Variants in CEP20 observed in about 807,000 individuals in gnomAD.
CEP20 encodes the protein FGFR1OP N-terminal like.
In CEP20, 18 loss-of-function variants were observed where a neutral mutation model predicts 20.0. The observed-to-expected ratio is 0.90, with a 90% CI of 0.62 to 1.34. The LOEUF is 1.34. Among genes scored for constraint, CEP20 ranks in the 40% most tolerant of loss-of-function variants. CEP20 has a pLI of 0.00. For missense variants in CEP20, 215 were observed against 201.6 expected (o/e 1.07, Z -0.40); for synonymous variants, 77 against 73.7 (o/e 1.04, Z -0.23).
intron 1 of CEP20, among the ~76,000 whole-genome samples, chr16:15,886,905 G>GT (rs5815849): frequency 0.098 from 14,139 of 144,050 alleles, 826 homozygotes; most frequent in East Asian, 0.22. Flanking sequence ...TTTTTAATTT[G>GT]TTTTTTTTTT....
At chr16:15,874,958 A>G (rs1190931279) in intron 3 of CEP20, among the ~76,000 whole-genome samples, 2 of 152,170 alleles carry the variant, frequency 1.3e-5, no homozygotes, top group Non-Finnish European at 2.9e-5. Flanking sequence ...CCGCCTGTCA[A>G]TATCATTATG....
At chr16:15,880,013 C>G (rs1467948660) in intron 2 of CEP20, 125 bp from the exon 3 acceptor site, 3 of 629,286 alleles carry the variant, frequency 4.8e-6, no homozygotes, top group African/African-American at 2.0e-5. Context: ...ACAACACACA[C>G]CAAGACAGAT....
At chr16:15,874,856 C>T (rs1419471348) in intron 3 of CEP20, among the ~76,000 whole-genome samples, 1 of 152,134 alleles carries the variant, frequency 6.6e-6, no homozygotes, top group Non-Finnish European at 1.5e-5. Flanking sequence ...TTCCTCCTTG[C>T]TTTCTCTCTT....
At chr16:15,885,310 A>ACAACCAAC (rs200651762) in intron 1 of CEP20, among the ~76,000 whole-genome samples, 2 of 150,992 alleles carry the variant, frequency 1.3e-5, no homozygotes, top group African/African-American at 4.9e-5. Flanking sequence ...TCTGTTTAAA[A>ACAACCAAC]CAACCAACCA....
At chr16:15,867,642 G>A in intron 4 of CEP20, 126 bp from the exon 5 acceptor site, 1 of 590,968 alleles carries the variant, frequency 1.7e-6, no homozygotes, top group East Asian at 3.0e-5. Flanking sequence ...GATGGTTTAG[G>A]ACAATGAAAA....
intron 4 of CEP20, among the ~76,000 whole-genome samples, chr16:15,870,731 A>T (rs1481691204): frequency 6.6e-6 from 1 of 152,006 alleles, no homozygotes; most frequent in Non-Finnish European, 1.5e-5. Context: ...GGAAAGACTG[A>T]TCCCAGGAGT....
At chr16:15,870,987 A>T (rs903378601) in intron 4 of CEP20, among the ~76,000 whole-genome samples, 18 of 152,140 alleles carry the variant, frequency 1.2e-4, no homozygotes, top group Non-Finnish European at 2.5e-4. Flanking sequence ...GCATGGCCAG[A>T]TGCAGTGGCT....
Position 15,876,953 on chromosome 16 carries a change from G to A in CEP20, c.311+2851C>T, listed in dbSNP as rs780760909. Among the ~76,000 whole-genome samples the A allele has an allele frequency of 2.0e-5, 3 of 149,994 alleles. No individual in the cohort carries two copies. The East Asian group carries it at 5.9e-4, about 30-fold the overall frequency. ...TGCAAGCTCCACCTCCCCGTTTGAC[G>A]CCCATTTTCCTGCCTCGGCCTCCCA... On this transcript the variant is annotated intron_variant, in intron 3 of 4. Coordinates refer to ENST00000255759, the MANE Select transcript of CEP20 (RefSeq NM_144600.4).
chr16:15,882,611 T>G, intron 2 of CEP20, among the ~76,000 whole-genome samples: 1 of 152,254 alleles, frequency 6.6e-6, no homozygotes, highest in Middle Eastern at 3.4e-3. Flanking sequence ...TTTATAGCAA[T>G]CCAAAAACAA....
chr16:15,878,259 A>G (rs1200726520), intron 3 of CEP20, among the ~76,000 whole-genome samples: 1 of 152,158 alleles, frequency 6.6e-6, no homozygotes, highest in Admixed American at 6.5e-5. Context: ...AAAGCAGCAT[A>G]AAGTTGCAAA....
At chr16:15,871,025 G>A (rs2044803501) in intron 4 of CEP20, among the ~76,000 whole-genome samples, 2 of 152,150 alleles carry the variant, frequency 1.3e-5, no homozygotes, top group East Asian at 3.8e-4. Flanking sequence ...CACTTTGGGA[G>A]GCCAAGGGGG....
intron 3 of CEP20, among the ~76,000 whole-genome samples, chr16:15,876,783 CCTAA>C (rs1309188427): frequency 2.6e-5 from 4 of 151,690 alleles, no homozygotes; most frequent in African/African-American, 7.3e-5. Flanking sequence ...AAAGAAGTTA[CCTAA>C]CTTTTAAAAA....
chr16:15,873,192 C>T (rs1354500734), intron 4 of CEP20, among the ~76,000 whole-genome samples: 1 of 152,004 alleles, frequency 6.6e-6, no homozygotes, highest in Non-Finnish European at 1.5e-5. Flanking sequence ...ATCCACCTGC[C>T]TCGGCCTCCC....
At chr16:15,886,981 C>T (rs2045261851) in intron 1 of CEP20, among the ~76,000 whole-genome samples, 1 of 151,906 alleles carries the variant, frequency 6.6e-6, no homozygotes. Context: ...TCATTGTCAC[C>T]TCTATCTCCT....
At chr16:15,872,209 G>A (rs1336047769) in intron 4 of CEP20, among the ~76,000 whole-genome samples, 1 of 151,986 alleles carries the variant, frequency 6.6e-6, no homozygotes, top group Non-Finnish European at 1.5e-5. Flanking sequence ...AGCTACTTGG[G>A]AGGCTGAGGC....
At chr16:15,874,650 G>A (rs2044900271) in intron 3 of CEP20, among the ~76,000 whole-genome samples, 1 of 152,096 alleles carries the variant, frequency 6.6e-6, no homozygotes, top group Non-Finnish European at 1.5e-5. Context: ...ATTTTTGTGG[G>A]TACATAGTAG....
chr16:15,865,931 G>A lies in CEP20; in HGVS notation c.*1509C>T, dbSNP rs1238249852. 8 of 152,032 alleles carry A rather than the reference G, an allele frequency of 5.3e-5. No homozygotes were observed. Among genetic ancestry groups the A allele is most frequent in the Admixed American group, 4.6e-4 (7 of 15,264 alleles). The allele number at this position is 152,032 out of a possible 1,614,324, so 9.4% of individuals were successfully genotyped here. A position where few individuals can be genotyped will look rare whatever the true frequency, so the allele number is the denominator to read the frequency against. On this transcript the variant is annotated 3_prime_UTR_variant, in exon 5 of 5. Coordinates refer to ENST00000255759, the MANE Select transcript of CEP20 (RefSeq NM_144600.4). ...GTCTTACATGATTGCAATTCCTGAG[G>A]TAAACTAAGTGTCCACTGCCAACAT...
At chr16:15,880,785 A>T (rs72773978) in intron 2 of CEP20, among the ~76,000 whole-genome samples, 12,412 of 152,008 alleles carry the variant, frequency 0.082, 662 homozygotes, top group East Asian at 0.22. Flanking sequence ...GCCTGAGCTC[A>T]GCCTCCTGTT....
chr16:15,873,448 A>G (rs200037123), intron 4 of CEP20, 43 bp downstream of exon 4: 53 of 1,584,478 alleles, frequency 3.3e-5, no homozygotes, highest in Middle Eastern at 1.7e-4. Context: ...GGAAGAAAAC[A>G]TATTTGCTGA....
Sources: allele counts gnomAD v4.1 joint callset (sites outside exome capture counted in the v4.1 genomes callset), GRCh38; gene constraint gnomAD v4.1.1; transcripts MANE v1.5; gene names NCBI Gene and HGNC (gene_info 2026-07-23, HGNC 2026-07-21).